PNN: variants seen among roughly 807,000 people sequenced by gnomAD.
PNN encodes the protein pinin.
Under a neutral mutation model 76.6 loss-of-function variants are expected in PNN, and 38 were observed. That is an observed-to-expected ratio of 0.50 (90% CI 0.38 to 0.65). The LOEUF (loss-of-function observed/expected upper bound fraction) is 0.65. Among genes scored for constraint, PNN ranks in the 30% least tolerant of loss-of-function variants. The probability of loss-of-function intolerance (pLI) is 0.00; values close to 1 mark genes in which losing one functional copy is unlikely to be tolerated. For missense variants in PNN, 873 were observed against 874.1 expected (o/e 1.00, Z 0.02); for synonymous variants, 366 against 283.7 (o/e 1.29, Z -2.91).
In PNN at chr14:39,181,044, G is replaced by A; in HGVS notation, c.1335G>A (p.Gly445=). 6.2e-7 allele frequency: 1 copy of A among 1,613,038 alleles called. No homozygotes were observed. The highest frequency in any genetic ancestry group is 1.1e-5 in the South Asian group (1 of 90,972). ...PDKECKTLSP[G]KENVSALDME... is the part of the protein sequence containing the mutation. ...AAGAATGTAAAACCCTTTCTCCTGG[G>A]AAAGAGAATGTCAGTGCTTTAGACA... The change falls in exon 9 of 9, where the codon GGG becomes GGA. Residue 445 remains glycine (G), a synonymous_variant. Coordinates refer to ENST00000216832, the MANE Select transcript of PNN (RefSeq NM_002687.4).
Position 39,177,934 on chromosome 14 carries a change from G to A in PNN, c.498+18G>A. 1 of 1,481,122 alleles carries A rather than the reference G, an allele frequency of 6.8e-7. No individual in the cohort carries two copies. The allele number at this position is 1,481,122 out of a possible 1,614,324, so 91.7% of individuals were successfully genotyped here. A position where few individuals can be genotyped will look rare whatever the true frequency, so the allele number is the denominator to read the frequency against. On this transcript the variant is annotated intron_variant, in intron 6 of 8. Transcript: ENST00000216832. ...CTGAAAGGGTATTTATCCAAGTTTTGTTTTGCATCATATATTTAAGTTATC... is the reference window on the plus strand; with the variant it reads ...CTGAAAGGGTATTTATCCAAGTTTTATTTTGCATCATATATTTAAGTTATC...
chr14:39,175,563 C>T (rs181895347), intron 1 of PNN, among the ~76,000 whole-genome samples, 171 bp downstream of exon 1: 4 of 152,308 alleles, frequency 2.6e-5, no homozygotes, highest in East Asian at 1.9e-4. Context: ...GCCCCAGGTC[C>T]CCTCCGTAGA....
chr14:39,176,723 C>CT (rs950125443), intron 3 of PNN, 128 bp downstream of exon 3: 7 of 657,818 alleles, frequency 1.1e-5, no homozygotes, highest in Non-Finnish European at 1.6e-5. Context: ...CCCTGCCCCC[C>CT]CCAAGTTCTG....
At position 39,176,091 on chromosome 14, in the gene PNN, A is replaced by G. The variant is rs1198653252; in HGVS notation, c.127A>G (p.Arg43Gly). The G allele has an allele frequency of 6.2e-7, 1 of 1,605,700 alleles. No individual in the cohort carries two copies. The highest frequency in any genetic ancestry group is 1.7e-5 in the Admixed American group (1 of 59,992). The change falls in exon 2 of 9, where the codon AGA becomes GGA. Residue 43 changes from arginine (R) to glycine (G), a missense_variant. Arg to Gly is a moderately radical substitution (Grantham distance 125). Coordinates refer to ENST00000216832, the MANE Select transcript of PNN (RefSeq NM_002687.4). ...AATCTTTTACAGGCCCATCCAAGCCAGATTGCTGGCCCTTTCTGGTCCTGG... is the reference window on the plus strand; with the variant it reads ...AATCTTTTACAGGCCCATCCAAGCCGGATTGCTGGCCCTTTCTGGTCCTGG... The part of the protein sequence containing the change: ...DPNDVRPIQA[R>G]LLALSGPGGG...
At chr14:39,176,943 A>G (rs2053231072) in intron 3 of PNN, among the ~76,000 whole-genome samples, 1 of 152,272 alleles carries the variant, frequency 6.6e-6, no homozygotes, top group Non-Finnish European at 1.5e-5. Flanking sequence ...TTTGGGCGTT[A>G]GTTCACACAT....
At chr14:39,177,946 ATATT>A (rs1425822530) in intron 6 of PNN, 30 bp downstream of exon 6, 32 of 1,332,784 alleles carry the variant, frequency 2.4e-5, no homozygotes, top group Non-Finnish European at 3.4e-5. Flanking sequence ...TTTGCATCAT[ATATT>A]TAAGTTATCA....
chr14:39,180,724 G>C lies in PNN; in HGVS notation c.1015G>C (p.Glu339Gln). ...AATAGAGGAAGCAGGAGAGGAAGAG[G>C]AAAAGGAAATAGCGATTGTTCATAG... is the stretch of plus-strand genomic sequence containing the variant. ...VEIEEAGEEE[E>Q]KEIAIVHSDA... The change falls in exon 9 of 9, where the codon GAA becomes CAA. Residue 339 changes from glutamate to glutamine, a missense_variant. By Grantham distance (29) the Glu-to-Gln change is conservative. This residue lies in a region of PNN where 712 missense variants were observed against 693.1 expected (regional missense o/e 1.03). Coordinates refer to ENST00000216832, the MANE Select transcript of PNN (RefSeq NM_002687.4). 1 of 1,597,724 alleles carries C rather than the reference G, an allele frequency of 6.3e-7. No homozygotes were observed. The highest frequency in any genetic ancestry group is 8.5e-7 in the Non-Finnish European group (1 of 1,170,922).
Position 39,181,766 on chromosome 14 carries a change from A to G in PNN, c.2057A>G (p.Asp686Gly), listed in dbSNP as rs368022197. Residue 686 changes from aspartate (D) to glycine (G), a missense_variant, in exon 9 of 9, where the codon GAC becomes GGC. By Grantham distance (94) the Asp-to-Gly change is moderately conservative. Around this residue, in one of 3 missense-constraint regions of PNN, gnomAD observed 712 missense variants for 693.1 expected, o/e 1.03. Transcript: ENST00000216832. Reference sequence around the variant, plus strand: ...TCAAAGGATAAGAATTCCCGGTCCGACAGAAAGAGGTCTATATCAGAGAGT... The same window carrying G: ...TCAAAGGATAAGAATTCCCGGTCCGGCAGAAAGAGGTCTATATCAGAGAGT... ...KGSKDKNSRS[D>G]RKRSISESSR... 40 of 1,614,194 alleles carry G rather than the reference A, an allele frequency of 2.5e-5. No individual in the cohort carries two copies. In the African/African-American group the frequency reaches 4.9e-4, roughly 20 times the overall value.
intron 8 of PNN, among the ~76,000 whole-genome samples, chr14:39,179,775 A>G (rs1167551679): frequency 6.6e-6 from 1 of 151,944 alleles, no homozygotes; most frequent in East Asian, 1.9e-4. Context: ...GGTGGTGGGC[A>G]CCTGTAATTC....
chr14:39,178,330 G>C (rs865788189), intron 6 of PNN, among the ~76,000 whole-genome samples: 4 of 152,094 alleles, frequency 2.6e-5, no homozygotes, highest in Middle Eastern at 6.8e-3. Context: ...GAAGTTTTTC[G>C]AGACCAGCCT....
Position 39,181,529 on chromosome 14 carries a change from CCAGTAGCAGCTCCAGTACAAGTGG to C in PNN, c.1824_1847del (p.Ser611_Ser618del), listed in dbSNP as rs1240670839. 1 of 1,602,820 alleles carries C rather than the reference CCAGTAGCAGCTCCAGTACAAGTGG, an allele frequency of 6.2e-7. No individual in the cohort carries two copies. Among genetic ancestry groups the C allele is most frequent in the Non-Finnish European group, 8.5e-7 (1 of 1,174,776 alleles). On this transcript the variant is annotated inframe_deletion, in exon 9 of 9. Coordinates refer to ENST00000216832, the MANE Select transcript of PNN (RefSeq NM_002687.4). ...GGAAGTAGTAGCAGTCGCAGTAGTT[CCAGTAGCAGCTCCAGTACAAGTGG>C]CAGCAGCAGCAGAGATAGTAGCAGT...
chr14:39,176,183 AC>A, intron 2 of PNN, 34 bp downstream of exon 2: 1 of 1,134,922 alleles, frequency 8.8e-7, no homozygotes, highest in Non-Finnish European at 1.3e-6. Flanking sequence ...TCATGCTGAA[AC>A]TACTGGTACT....
In PNN at chr14:39,182,859, T is replaced by C. The variant is rs952040987; in HGVS notation, c.*996T>C. 9 of 152,678 alleles carry C rather than the reference T, an allele frequency of 5.9e-5. No individual in the cohort carries two copies. Among genetic ancestry groups the C allele is most frequent in the Admixed American group, 4.6e-4 (7 of 15,290 alleles). 9.5% of individuals were successfully genotyped at this position (152,678 alleles called of 1,614,324 possible). ...AAGTGTACCAAGTGATTATTAACTTTGTTGTTTTACAAATTTGTATGAACT... is the reference window on the plus strand; with the variant it reads ...AAGTGTACCAAGTGATTATTAACTTCGTTGTTTTACAAATTTGTATGAACT... On this transcript the variant is annotated 3_prime_UTR_variant, in exon 9 of 9. Coordinates refer to ENST00000216832, the MANE Select transcript of PNN (RefSeq NM_002687.4).
chr14:39,177,800 T>C (rs2053240489), intron 5 of PNN, 41 bp from the exon 6 acceptor site: 1 of 1,505,644 alleles, frequency 6.6e-7, no homozygotes, highest in Non-Finnish European at 9.2e-7. Context: ...TTAAATGAAA[T>C]GGATCCTGTT....
chr14:39,175,442 C>T, intron 1 of PNN, 50 bp downstream of exon 1: 2 of 1,171,342 alleles, frequency 1.7e-6, no homozygotes, highest in Non-Finnish European at 1.3e-6. Flanking sequence ...AGGCAGCCCT[C>T]AGGTCGGGGT....
At chr14:39,180,468 G>T in intron 8 of PNN, 35 bp from the exon 9 acceptor site, 1 of 1,494,174 alleles carries the variant, frequency 6.7e-7, no homozygotes, top group South Asian at 1.4e-5. Context: ...TTTCTTAATC[G>T]GTAAATTTTA....
At position 39,176,580 on chromosome 14, in the gene PNN, A is replaced by T; in HGVS notation, c.239A>T (p.Glu80Val). 6.2e-7 allele frequency: 1 copy of T among 1,605,220 alleles called. No individual in the cohort carries two copies. Among genetic ancestry groups the T allele is most frequent in the Non-Finnish European group, 8.5e-7 (1 of 1,175,692 alleles). ...CCCCCAGCCAAACAGAGAGACCTTG[A>T]AGGGGCAGTCAGTAGGTAGGTTTAA... ...GGPPAKQRDLEGAVSRLGGER... is the reference protein window; with the variant it reads ...GGPPAKQRDLVGAVSRLGGER... Residue 80 changes from glutamate (E) to valine (V), a missense_variant, in exon 3 of 9, where the codon GAA (glutamate) becomes GTA (valine). Transcript: ENST00000216832.
At position 39,182,850 on chromosome 14, in the gene PNN, T is replaced by C. The variant is rs1034422549; in HGVS notation, c.*987T>C. On this transcript the variant is annotated 3_prime_UTR_variant, in exon 9 of 9. Coordinates refer to ENST00000216832, the MANE Select transcript of PNN (RefSeq NM_002687.4). ...ATAACACACAAGTGTACCAAGTGAT[T>C]ATTAACTTTGTTGTTTTACAAATTT... The C allele has an allele frequency of 6.5e-6, 1 of 152,678 alleles. No homozygotes were observed. The highest frequency in any genetic ancestry group is 2.4e-5 in the African/African-American group (1 of 41,466). 9.5% of individuals were successfully genotyped at this position (152,678 alleles called of 1,614,324 possible).
intron 5 of PNN, 36 bp downstream of exon 5, chr14:39,177,723 A>T: frequency 6.6e-7 from 1 of 1,516,460 alleles, no homozygotes; most frequent in Non-Finnish European, 9.2e-7. Context: ...TAGTGAAATA[A>T]TGCAGTTATA....
Sources: allele counts gnomAD v4.1 joint callset (sites outside exome capture counted in the v4.1 genomes callset), GRCh38; gene constraint gnomAD v4.1.1; regional missense constraint gnomAD v4.1.1; transcripts MANE v1.5; gene names NCBI Gene and HGNC (gene_info 2026-07-23, HGNC 2026-07-21).